Variants in BCAT1 observed in about 807,000 individuals in gnomAD.
BCAT1 encodes branched chain amino acid transaminase 1, also known as branched-chain-amino-acid aminotransferase, cytosolic.
Under a neutral mutation model 52.4 loss-of-function variants are expected in BCAT1, and 48 were observed. The observed-to-expected ratio is 0.92, with a 90% confidence interval of 0.73 to 1.16. The LOEUF (loss-of-function observed/expected upper bound fraction) is 1.16, where lower values mean the gene tolerates loss of function less well. Among genes scored for constraint, BCAT1 ranks in the 50% most tolerant of loss-of-function variants. BCAT1 has a pLI of 0.00. For synonymous variants in BCAT1, 167 were observed against 161.3 expected (o/e 1.04, Z -0.27); for missense variants, 451 against 457.1 (o/e 0.99, Z 0.12).
intron 3 of BCAT1, among the ~76,000 whole-genome samples, chr12:24,882,845 C>T (rs941796218): frequency 2.6e-5 from 4 of 151,604 alleles, no homozygotes; most frequent in Non-Finnish European, 5.9e-5. Context: ...AAGTGATGTG[C>T]CTGCCTCGGC....
intron 4 of BCAT1, among the ~76,000 whole-genome samples, chr12:24,880,997 G>T (rs1381348529): frequency 2.0e-5 from 3 of 151,996 alleles, no homozygotes; most frequent in Non-Finnish European, 4.4e-5. Context: ...ACCAAACCCG[G>T]CTAATTTTTG....
At chr12:24,881,786 G>A (rs965712753) in intron 3 of BCAT1, among the ~76,000 whole-genome samples, 5 of 152,186 alleles carry the variant, frequency 3.3e-5, no homozygotes, top group Non-Finnish European at 5.9e-5. Flanking sequence ...TTGTGGCACC[G>A]TGGCCCCCAA....
At chr12:24,895,606 A>G (rs1942943210) in intron 2 of BCAT1, among the ~76,000 whole-genome samples, 1 of 152,084 alleles carries the variant, frequency 6.6e-6, no homozygotes, top group Non-Finnish European at 1.5e-5. Flanking sequence ...TGATCAGTTA[A>G]AAAAACAGGG....
chr12:24,818,863 A>G (rs1299983203), intron 10 of BCAT1, among the ~76,000 whole-genome samples: 1 of 152,220 alleles, frequency 6.6e-6, no homozygotes, highest in Non-Finnish European at 1.5e-5. Flanking sequence ...CTAGTTCTAT[A>G]TTCATTCATT....
chr12:24,898,658 G>A (rs1376245576), intron 2 of BCAT1, among the ~76,000 whole-genome samples: 1 of 150,886 alleles, frequency 6.6e-6, no homozygotes, highest in Non-Finnish European at 1.5e-5. Context: ...TGGGATTACA[G>A]GCATGTGTCA....
intron 1 of BCAT1, among the ~76,000 whole-genome samples, chr12:24,934,900 T>G (rs1943730148): frequency 6.6e-6 from 1 of 152,220 alleles, no homozygotes; most frequent in Non-Finnish European, 1.5e-5. Flanking sequence ...TTCCACATTT[T>G]GATACCAGCT....
intron 1 of BCAT1, chr12:24,903,303 A>G: frequency 2.8e-6 from 1 of 356,496 alleles, no homozygotes; most frequent in Non-Finnish European, 4.9e-6. Context: ...CCAAGCGCAG[A>G]TATTTCGCGA....
At chr12:24,922,742 C>T (rs146600460) in intron 1 of BCAT1, among the ~76,000 whole-genome samples, 55 of 151,904 alleles carry the variant, frequency 3.6e-4, no homozygotes, top group African/African-American at 1.1e-3. Flanking sequence ...TGGCAGCGCG[C>T]GCCTGTAGTC....
chr12:24,829,111 C>T (rs1351164067), intron 10 of BCAT1, among the ~76,000 whole-genome samples: 1 of 151,682 alleles, frequency 6.6e-6, no homozygotes, highest in Non-Finnish European at 1.5e-5. Context: ...TGGCAGGGCA[C>T]AGTGGTTCAT....
rs1939794206 is a variant in BCAT1 at position 24,814,333 on chromosome 12, T to C, written c.*3675A>G. 1 of 151,870 alleles carries C rather than the reference T, an allele frequency of 6.6e-6. No individual in the cohort carries two copies. The highest frequency in any genetic ancestry group is 1.9e-4 in the East Asian group (1 of 5,180). The allele number at this position is 151,870 out of a possible 1,614,324, so 9.4% of individuals were successfully genotyped here. The stretch of plus-strand genomic sequence containing the variant: ...ATTGCTCTAAATGTTTTAGAAACTA[T>C]CACTCTTTGAAAGTGAACAAACAAT... On this transcript the variant is annotated 3_prime_UTR_variant, in exon 11 of 11. Transcript: ENST00000261192.
intron 4 of BCAT1, among the ~76,000 whole-genome samples, chr12:24,878,999 AAAGAT>A (rs1349482516): frequency 6.6e-6 from 1 of 152,180 alleles, no homozygotes; most frequent in Non-Finnish European, 1.5e-5. Context: ...TCCACATGTG[AAAGAT>A]AAGATTAGAT....
intron 4 of BCAT1, 108 bp from the exon 5 acceptor site, chr12:24,878,757 A>T: frequency 9.3e-7 from 1 of 1,077,490 alleles, no homozygotes; most frequent in Non-Finnish European, 1.3e-6. Flanking sequence ...TAATCCCAAC[A>T]CAAAAAAATA....
At chr12:24,891,916 T>A (rs1332889852) in intron 3 of BCAT1, among the ~76,000 whole-genome samples, 1 of 14,552 alleles carries the variant, frequency 6.9e-5, no homozygotes, top group Admixed American at 9.8e-4. Context: ...GCCCGGCTAA[T>A]TTTTTTTTTT....
chr12:24,866,090 G>A (rs779854482), intron 5 of BCAT1, among the ~76,000 whole-genome samples: 4 of 152,346 alleles, frequency 2.6e-5, no homozygotes, highest in Admixed American at 6.5e-5. Context: ...AGGCATGGGC[G>A]GGAACCCGGG....
In BCAT1 at chr12:24,837,071, AAGAG is replaced by A. The variant is rs200545740; in HGVS notation, c.818-479_818-476del. 5.2e-3 allele frequency among the ~76,000 whole-genome samples: 470 copies of A among 91,230 alleles called. 19 individuals carry two copies. Among genetic ancestry groups the A allele is most frequent in the African/African-American group, 0.017 (460 of 27,360 alleles). The allele number at this position is 91,230 out of a possible 152,430, so 59.9% of individuals were successfully genotyped here. ...AAGAAAAGAAAGAGAGAAGGAAAGA[AAGAG>A]AGAGGGAGGGAGGGAGGGAGAAAGG... On this transcript the variant is annotated intron_variant, in intron 7 of 10. Transcript: ENST00000261192.
intron 1 of BCAT1, among the ~76,000 whole-genome samples, chr12:24,942,445 G>A (rs1591895343): frequency 3.3e-5 from 5 of 151,850 alleles, no homozygotes; most frequent in Admixed American, 6.6e-5. Flanking sequence ...TCAGGAGGCT[G>A]AGGCAGGAGA....
In BCAT1 at chr12:24,810,938, C is replaced by T. The variant is rs1939659175; in HGVS notation, c.*7070G>A. 1 of 152,110 alleles carries T rather than the reference C, an allele frequency of 6.6e-6. No homozygotes were observed. The highest frequency in any genetic ancestry group is 2.4e-5 in the African/African-American group (1 of 41,438). 9.4% of individuals were successfully genotyped at this position (152,110 alleles called of 1,614,324 possible). On this transcript the variant is annotated 3_prime_UTR_variant, in exon 11 of 11. Coordinates refer to ENST00000261192, the MANE Select transcript of BCAT1 (RefSeq NM_005504.7). Reference sequence around the variant, plus strand: ...TCATTGAAGATCTCTAGGCCTTTTACTTTTTAAAGTGTCTTTTATTCTAAA... The same window carrying T: ...TCATTGAAGATCTCTAGGCCTTTTATTTTTTAAAGTGTCTTTTATTCTAAA...
At position 24,842,118 on chromosome 12, in the gene BCAT1, T is replaced by C. The variant is rs778416434; in HGVS notation, c.781A>G (p.Met261Val). ...TTTATCCAGTAAAGAAAAAGATTCA[T>C]AGTTCCCACTTCAGTGATCTGATGG... ...EDHQITEVGTMNLFLYWINED... is the reference protein window; with the variant it reads ...EDHQITEVGTVNLFLYWINED... Residue 261 changes from methionine (M) to valine (V), a missense_variant, in exon 7 of 11, where the codon ATG (methionine) becomes GTG (valine). Physicochemically the swap from Met to Val is conservative, Grantham distance 21 (BLOSUM62 1). Coordinates refer to ENST00000261192, the MANE Select transcript of BCAT1 (RefSeq NM_005504.7). The C allele has an allele frequency of 5.0e-6, 8 of 1,613,904 alleles. No individual in the cohort carries two copies. The highest frequency in any genetic ancestry group is 2.2e-5 in the East Asian group (1 of 44,870).
chr12:24,879,792 C>G (rs1244350434), intron 4 of BCAT1, among the ~76,000 whole-genome samples: 1 of 152,240 alleles, frequency 6.6e-6, no homozygotes, highest in African/African-American at 2.4e-5. Flanking sequence ...GTTTTCTTCT[C>G]TGTACAAAGG....
Sources: gnomAD v4.1 joint callset for allele counts (sites outside exome capture counted in the v4.1 genomes callset) on GRCh38, gnomAD v4.1.1 for gene constraint, MANE v1.5 for transcripts, NCBI Gene and HGNC (gene_info 2026-07-23, HGNC 2026-07-21) for gene names.